KAZN: variants seen among roughly 807,000 people sequenced by gnomAD.
KAZN encodes kazrin, periplakin interacting protein.
In KAZN, 40 loss-of-function variants were observed where a neutral mutation model predicts 87.4. The ratio of observed to expected loss-of-function variants is 0.46; its 90% CI spans 0.36 to 0.60. The LOEUF (loss-of-function observed/expected upper bound fraction) is 0.60. Ranked by LOEUF, KAZN falls within the 20% of genes least tolerant of loss-of-function variation. KAZN has a pLI of 0.00. For missense variants in KAZN, 898 were observed against 1,073.9 expected (o/e 0.84, Z 2.29); for synonymous variants, 466 against 458.3 (o/e 1.02, Z -0.22).
intron 4 of KAZN, among the ~76,000 whole-genome samples, chr1:15,045,540 A>G (rs559704968): frequency 6.7e-4 from 102 of 152,352 alleles, no homozygotes; most frequent in African/African-American, 2.4e-3. Context: ...CAGAAGCCTT[A>G]CTAAGAACAG....
chr1:14,246,094 G>A (rs1340661200), intron 2 of KAZN, among the ~76,000 whole-genome samples: 1 of 152,174 alleles, frequency 6.6e-6, no homozygotes, highest in African/African-American at 2.4e-5. Context: ...AACACCACAT[G>A]TTCTTACTTA....
chr1:14,499,150 C>T (rs1337551952), intron 2 of KAZN, among the ~76,000 whole-genome samples: 1 of 151,968 alleles, frequency 6.6e-6, no homozygotes, highest in African/African-American at 2.4e-5. Flanking sequence ...AAGATCATGC[C>T]AAAGTGGACA....
chr1:15,063,800 C>A (rs776313820), intron 7 of KAZN, among the ~76,000 whole-genome samples, 178 bp downstream of exon 7: 1 of 151,380 alleles, frequency 6.6e-6, no homozygotes, highest in East Asian at 1.9e-4. Context: ...ATTTATGCCA[C>A]TTCCGCTGAG....
Position 15,103,897 on chromosome 1 carries a change from A to G in KAZN, c.1882-126A>G, listed in dbSNP as rs541430300. The stretch of plus-strand genomic sequence containing the variant: ...TGGGGAGGGGTTCCTCTTCACCGTC[A>G]AATTAACTGGTCCCCAGGGGGTCAA... On this transcript the variant is annotated intron_variant, in intron 12 of 14. Transcript: ENST00000376030. 1.1e-5 allele frequency: 11 copies of G among 971,546 alleles called. No individual in the cohort carries two copies. In the South Asian group the frequency reaches 1.7e-4, roughly 15 times the overall value. 60.2% of individuals were successfully genotyped at this position (971,546 alleles called of 1,614,324 possible). A position where few individuals can be genotyped will look rare whatever the true frequency, so the allele number is the denominator to read the frequency against.
intron 2 of KAZN, among the ~76,000 whole-genome samples, chr1:14,224,055 G>A (rs1169328289): frequency 1.3e-5 from 2 of 152,154 alleles, no homozygotes; most frequent in African/African-American, 4.8e-5. Flanking sequence ...TAGCAAGCTG[G>A]ACCTTTCAAC....
At chr1:14,046,596 A>G (rs1642084108) in intron 1 of KAZN, among the ~76,000 whole-genome samples, 1 of 152,174 alleles carries the variant, frequency 6.6e-6, no homozygotes, top group Admixed American at 6.5e-5. Context: ...AGAGAGCTAC[A>G]TGGATCAGAC....
intron 2 of KAZN, among the ~76,000 whole-genome samples, chr1:14,325,422 T>G (rs983505031): frequency 6.6e-6 from 1 of 152,182 alleles, no homozygotes; most frequent in Non-Finnish European, 1.5e-5. Context: ...ATACCAAAGA[T>G]CAGTCACTCA....
At chr1:14,290,996 G>T (rs531202577) in intron 2 of KAZN, among the ~76,000 whole-genome samples, 10 of 152,270 alleles carry the variant, frequency 6.6e-5, no homozygotes, top group African/African-American at 2.4e-4. Context: ...GTTTGCCTGG[G>T]TATCACCAGC....
chr1:15,034,629 T>G, intron 2 of KAZN, 120 bp from the exon 3 acceptor site: 1 of 1,235,164 alleles, frequency 8.1e-7, no homozygotes, highest in Non-Finnish European at 1.1e-6. Flanking sequence ...CATTTCGTCT[T>G]TCTGAGCCCT....
At chr1:14,421,660 G>A (rs1379786024) in intron 2 of KAZN, among the ~76,000 whole-genome samples, 1 of 152,034 alleles carries the variant, frequency 6.6e-6, no homozygotes, top group Non-Finnish European at 1.5e-5. Flanking sequence ...GAAAATTCTG[G>A]GTTAAATACT....
In KAZN at chr1:14,134,689, T is replaced by C. The variant is rs567313236; in HGVS notation, c.92-45746T>C. Among the ~76,000 whole-genome samples, 104 of 152,244 alleles carry C rather than the reference T, an allele frequency of 6.8e-4. 1 individual carries two copies. Among genetic ancestry groups the C allele is most frequent in the African/African-American group, 2.5e-3 (102 of 41,538 alleles). On this transcript the variant is annotated intron_variant, in intron 1 of 16. Transcript: ENST00000636203. ...CAAAACAAAAGAGATATTAGCAGCATATTGTTTTCTAAATGATCCGCCTTG... is the reference window on the plus strand; with the variant it reads ...CAAAACAAAAGAGATATTAGCAGCACATTGTTTTCTAAATGATCCGCCTTG...
intron 2 of KAZN, among the ~76,000 whole-genome samples, chr1:14,230,805 G>A (rs1647749724): frequency 6.6e-6 from 1 of 152,104 alleles, no homozygotes; most frequent in African/African-American, 2.4e-5. Context: ...ATGACCTCTT[G>A]AGGTGCTAGA....
At chr1:14,381,909 A>G (rs1364640817) in intron 2 of KAZN, among the ~76,000 whole-genome samples, 1 of 152,200 alleles carries the variant, frequency 6.6e-6, no homozygotes, top group African/African-American at 2.4e-5. Context: ...AAGATGATAC[A>G]ATCTTATATT....
intron 1 of KAZN, among the ~76,000 whole-genome samples, chr1:14,126,550 G>A (rs972066665): frequency 2.0e-5 from 3 of 151,902 alleles, no homozygotes; most frequent in African/African-American, 7.3e-5. Context: ...TTTTAGCAAA[G>A]GTCTCATTTG....
intron 1 of KAZN, among the ~76,000 whole-genome samples, chr1:14,776,559 G>A (rs1288653358): frequency 1.3e-5 from 2 of 152,034 alleles, no homozygotes; most frequent in African/African-American, 4.8e-5. Context: ...ATGTCTAACC[G>A]CAGCCATTTA....
At position 14,378,069 on chromosome 1, in the gene KAZN, C is replaced by G. The variant is rs886541594; in HGVS notation, c.249+197477C>G. ...TTCATGTATTTGTTTATTAATTTAA[C>G]AAATGTTTAGTAAGACCTTACTCAG... On this transcript the variant is annotated intron_variant, in intron 2 of 16. Transcript: ENST00000636203. Among the ~76,000 whole-genome samples the G allele has an allele frequency of 3.7e-4, 57 of 152,112 alleles. 1 individual carries two copies. The highest frequency in any genetic ancestry group is 3.7e-3 in the Admixed American group (57 of 15,278).
At chr1:14,584,598 A>T (rs1393681255) in intron 2 of KAZN, among the ~76,000 whole-genome samples, 1 of 152,040 alleles carries the variant, frequency 6.6e-6, no homozygotes, top group Non-Finnish European at 1.5e-5. Context: ...AAATTCATAG[A>T]TTAAAATCCT....
chr1:14,371,609 T>C (rs900997400), intron 2 of KAZN, among the ~76,000 whole-genome samples: 1 of 151,060 alleles, frequency 6.6e-6, no homozygotes, highest in Non-Finnish European at 1.5e-5. Context: ...AAGATGCTGA[T>C]AAAAAAAAAT....
At chr1:14,122,880 T>C (rs1380640500) in intron 1 of KAZN, among the ~76,000 whole-genome samples, 1 of 152,206 alleles carries the variant, frequency 6.6e-6, no homozygotes, top group Non-Finnish European at 1.5e-5. Context: ...AACACCTACC[T>C]TGGTTTTTGC....
Sources: gnomAD v4.1 joint callset for allele counts (sites outside exome capture counted in the v4.1 genomes callset) on GRCh38, gnomAD v4.1.1 for gene constraint, MANE v1.5 for transcripts, NCBI Gene and HGNC (gene_info 2026-07-23, HGNC 2026-07-21) for gene names.